AGBL4: variants seen among roughly 807,000 people sequenced by gnomAD.
AGBL4 encodes the protein cytosolic carboxypeptidase 6.
In AGBL4, 58 loss-of-function variants were observed where a neutral mutation model predicts 66.4. The ratio of observed to expected loss-of-function variants is 0.87; its 90% CI spans 0.71 to 1.09. AGBL4 has a LOEUF of 1.09. Ranked by LOEUF, AGBL4 falls within the 50% of genes least tolerant of loss-of-function variation. AGBL4 has a pLI of 0.00. For missense variants in AGBL4, 579 were observed against 631.0 expected (o/e 0.92, Z 0.88); for synonymous variants, 234 against 222.9 (o/e 1.05, Z -0.44).
intron 1 of AGBL4, among the ~76,000 whole-genome samples, chr1:49,941,129 G>T (rs552793188): frequency 2.0e-5 from 3 of 152,106 alleles, no homozygotes; most frequent in East Asian, 1.9e-4. Flanking sequence ...CCTAGAGACT[G>T]AATTATGAAA....
chr1:49,176,536 C>T (rs149758979), intron 4 of AGBL4, among the ~76,000 whole-genome samples: 2 of 152,208 alleles, frequency 1.3e-5, no homozygotes, highest in East Asian at 3.9e-4. Context: ...ATCTCAATTG[C>T]TCTTGCTCAT....
At chr1:49,616,543 T>G (rs922236944) in intron 3 of AGBL4, among the ~76,000 whole-genome samples, 1 of 152,160 alleles carries the variant, frequency 6.6e-6, no homozygotes, top group Admixed American at 6.6e-5. Context: ...TCACATGGCT[T>G]TGAATACCAT....
intron 4 of AGBL4, among the ~76,000 whole-genome samples, chr1:49,144,447 TGGAGGGGAGG>T (rs1329144417): frequency 1.4e-5 from 2 of 142,284 alleles, no homozygotes; most frequent in South Asian, 4.7e-4. Flanking sequence ...GGAAAGGAAA[TGGAGGGGAGG>T]GGAGGGGAGG....
chr1:48,639,064 G>T (rs1330429292), intron 8 of AGBL4, among the ~76,000 whole-genome samples: 1 of 152,120 alleles, frequency 6.6e-6, no homozygotes, highest in East Asian at 1.9e-4. Flanking sequence ...ATTCAAAAAA[G>T]AACTTCAAAA....
chr1:49,596,766 A>G (rs1644861190), intron 3 of AGBL4, among the ~76,000 whole-genome samples: 2 of 152,222 alleles, frequency 1.3e-5, no homozygotes, highest in South Asian at 4.1e-4. Flanking sequence ...ATCAATGATC[A>G]CATTTTGGAA....
chr1:48,525,922 T>C, the AGBL4 span, among the ~76,000 whole-genome samples: 1 of 152,166 alleles, frequency 6.6e-6, no homozygotes, highest in Non-Finnish European at 1.5e-5. Flanking sequence ...GGTGGGTTAA[T>C]AGAAGGAGCT....
At chr1:48,866,333 C>A (rs1293933427) in intron 6 of AGBL4, among the ~76,000 whole-genome samples, 1 of 152,182 alleles carries the variant, frequency 6.6e-6, no homozygotes, top group Non-Finnish European at 1.5e-5. Context: ...CTGAGACCCA[C>A]AAACCTGCCG....
intron 8 of AGBL4, among the ~76,000 whole-genome samples, chr1:48,649,959 T>C (rs1557853604): frequency 1.3e-5 from 2 of 152,358 alleles, no homozygotes; most frequent in South Asian, 4.1e-4. Flanking sequence ...ATATAGCAAG[T>C]AGGCGGTAGA....
In AGBL4 at chr1:48,736,838, A is replaced by C. The variant is rs1386214766; in HGVS notation, c.635-73597T>G. On this transcript the variant is annotated intron_variant, in intron 6 of 13. Transcript: ENST00000371839. This position sits in a 1 kb window ranked among gnomAD's most constrained non-coding sequence, Gnocchi z 4.0. ...TCACAAGGCTGCTCAGAGCCTTACC[A>C]AATCTCAGGACACCCATGCTTAACT... Among the ~76,000 whole-genome samples, 1 of 152,220 alleles carries C rather than the reference A, an allele frequency of 6.6e-6. No homozygotes were observed. The highest frequency in any genetic ancestry group is 6.5e-5 in the Admixed American group (1 of 15,280).
chr1:48,911,650 C>A (rs902595607), intron 5 of AGBL4, among the ~76,000 whole-genome samples: 2 of 151,232 alleles, frequency 1.3e-5, no homozygotes, highest in Non-Finnish European at 2.9e-5. Context: ...TCATAAGGAC[C>A]AACTTATAGG....
chr1:49,948,011 TATATAA>T (rs1406479962), intron 1 of AGBL4, among the ~76,000 whole-genome samples: 2 of 77,820 alleles, frequency 2.6e-5, no homozygotes, highest in East Asian at 3.9e-4. Flanking sequence ...TATATATAAA[TATATAA>T]ATATATATAA....
intron 1 of AGBL4, among the ~76,000 whole-genome samples, chr1:49,895,251 T>C (rs1171832199): frequency 1.4e-5 from 2 of 145,574 alleles, no homozygotes; most frequent in Non-Finnish European, 3.0e-5. Flanking sequence ...CTATAAGAAA[T>C]GCTAAAGGCA....
chr1:48,930,412 T>G (rs1654942149), intron 5 of AGBL4, among the ~76,000 whole-genome samples: 2 of 152,154 alleles, frequency 1.3e-5, no homozygotes, highest in African/African-American at 4.8e-5. Flanking sequence ...TAAGCCAGTA[T>G]GGTCCCTCAT....
At chr1:48,602,743 G>T (rs1262005516) in intron 9 of AGBL4, among the ~76,000 whole-genome samples, 1 of 151,894 alleles carries the variant, frequency 6.6e-6, no homozygotes, top group Non-Finnish European at 1.5e-5. Flanking sequence ...GAAGAAGAAA[G>T]GTACAGGCAG....
At chr1:48,627,684 A>G (rs1431250302) in intron 9 of AGBL4, among the ~76,000 whole-genome samples, 1 of 152,036 alleles carries the variant, frequency 6.6e-6, no homozygotes, top group Non-Finnish European at 1.5e-5. Context: ...AAGGAAACGG[A>G]TCTGTCTAAA....
intron 1 of AGBL4, among the ~76,000 whole-genome samples, chr1:49,978,738 CT>C (rs1658795327): frequency 6.6e-6 from 1 of 152,052 alleles, no homozygotes; most frequent in South Asian, 2.1e-4. Context: ...ACACAGACAC[CT>C]ATATGCATGG....
At chr1:49,092,895 T>C (rs1011716617) in intron 4 of AGBL4, among the ~76,000 whole-genome samples, 1 of 152,134 alleles carries the variant, frequency 6.6e-6, no homozygotes, top group African/African-American at 2.4e-5. Context: ...AAATTTACTC[T>C]TCAGAGGACA....
chr1:49,553,173 G>T (rs1001433612), intron 3 of AGBL4, among the ~76,000 whole-genome samples: 6 of 152,208 alleles, frequency 3.9e-5, no homozygotes, highest in Non-Finnish European at 7.3e-5. Flanking sequence ...GCAGGCCTGA[G>T]CCTGAGTGAA....
intron 3 of AGBL4, among the ~76,000 whole-genome samples, chr1:49,678,318 T>C (rs754346296): frequency 6.6e-5 from 10 of 152,126 alleles, no homozygotes; most frequent in Non-Finnish European, 1.2e-4. Context: ...TCCTATTTCA[T>C]TCCTAATATT....
Sources: allele counts gnomAD v4.1 joint callset (sites outside exome capture counted in the v4.1 genomes callset), GRCh38; gene constraint gnomAD v4.1.1; non-coding constraint Gnocchi (gnomAD v3.1); transcripts MANE v1.5; gene names NCBI Gene and HGNC (gene_info 2026-07-23, HGNC 2026-07-21).